Variants in SLC15A2 observed in about 807,000 individuals in gnomAD.
SLC15A2 encodes kidney H(+)/peptide cotransporter.
A neutral mutation model predicts 95.5 loss-of-function variants in SLC15A2; 77 were observed. The observed-to-expected ratio is 0.81, with a 90% CI of 0.67 to 0.97. The LOEUF is 0.97. SLC15A2 is among the 50% of genes least tolerant of loss of function. The pLI is 0.00. For synonymous variants in SLC15A2, 306 were observed against 306.9 expected (o/e 1.00, Z 0.03); for missense variants, 893 against 874.4 (o/e 1.02, Z -0.27).
chr3:121,940,653 G>A (rs1266949707), intron 21 of SLC15A2, among the ~76,000 whole-genome samples, 165 bp downstream of exon 21: 1 of 152,126 alleles, frequency 6.6e-6, no homozygotes, highest in African/African-American at 2.4e-5. Flanking sequence ...ATATGTAAGT[G>A]GCAATAATGA....
At chr3:121,924,703 G>C (rs1243776721) in intron 12 of SLC15A2, among the ~76,000 whole-genome samples, 1 of 152,164 alleles carries the variant, frequency 6.6e-6, no homozygotes, top group African/African-American at 2.4e-5. Flanking sequence ...TCACAATAAG[G>C]CTGGCAGAAA....
Position 121,935,769 on chromosome 3 carries a change from T to C in SLC15A2, c.1762-3580T>C, listed in dbSNP as rs1710331554. Among the ~76,000 whole-genome samples the C allele has an allele frequency of 2.0e-5, 3 of 152,272 alleles. No individual in the cohort carries two copies. In the South Asian group the frequency reaches 6.2e-4, roughly 32 times the overall value. Reference sequence around the variant, plus strand: ...TTTTTTGTGTCTCTATTTCCTTTAGTTCTGCTCTGATTTTAGTTATTTCTT... The same window carrying C: ...TTTTTTGTGTCTCTATTTCCTTTAGCTCTGCTCTGATTTTAGTTATTTCTT... On this transcript the variant is annotated intron_variant, in intron 19 of 21. Transcript: ENST00000489711.
In SLC15A2 at chr3:121,915,266, T is replaced by C; in HGVS notation, c.568T>C (p.Ser190Pro). 1 of 1,613,940 alleles carries C rather than the reference T, an allele frequency of 6.2e-7. No homozygotes were observed. Among genetic ancestry groups the C allele is most frequent in the Non-Finnish European group, 8.5e-7 (1 of 1,179,860 alleles). ...RTRYFSVFYLSINAGSLISTF... is the reference protein window; with the variant it reads ...RTRYFSVFYLPINAGSLISTF... ...TAGATACTTCTCAGTCTTCTACCTG[T>C]CCATCAATGCAGGGAGCTTGATTTC... Residue 190 changes from serine (S) to proline (P), a missense_variant, in exon 6 of 22, where the codon TCC becomes CCC. Transcript: ENST00000489711.
At position 121,925,047 on chromosome 3, in the gene SLC15A2, A is replaced by G. The variant is rs771781863; in HGVS notation, c.1124+14A>G. 33 of 1,513,926 alleles carry G rather than the reference A, an allele frequency of 2.2e-5. No homozygotes were observed. Among genetic ancestry groups the G allele is most frequent in the Non-Finnish European group, 2.9e-5 (32 of 1,088,586 alleles). The allele number at this position is 1,513,926 out of a possible 1,614,324, so 93.8% of individuals were successfully genotyped here. ...AATTAACTTCTCGTAAGTGTTCACTATGTCTGTATGGATTACTCTAAATTG... is the reference window on the plus strand; with the variant it reads ...AATTAACTTCTCGTAAGTGTTCACTGTGTCTGTATGGATTACTCTAAATTG... On this transcript the variant is annotated intron_variant, in intron 13 of 21. Transcript: ENST00000489711.
intron 5 of SLC15A2, 39 bp downstream of exon 5, chr3:121,913,159 G>A (rs772408606): frequency 2.0e-6 from 3 of 1,511,252 alleles, no homozygotes; most frequent in South Asian, 1.1e-5. Context: ...AGAATATAGA[G>A]CCAGCATTAA....
Position 121,928,331 on chromosome 3 carries a change from C to G in SLC15A2, c.1207-90C>G. Reference sequence around the variant, plus strand: ...AAACTATGTCTACTTGGCTAGTGGACTAGGCTGTCAGAAACAACTGAGATA... The same window carrying G: ...AAACTATGTCTACTTGGCTAGTGGAGTAGGCTGTCAGAAACAACTGAGATA... On this transcript the variant is annotated intron_variant, in intron 14 of 21. Transcript: ENST00000489711. 2.7e-6 allele frequency: 4 copies of G among 1,473,558 alleles called. No homozygotes were observed. The South Asian group carries it at 4.0e-5, about 15-fold the overall frequency. 91.3% of individuals were successfully genotyped at this position (1,473,558 alleles called of 1,614,324 possible).
intron 3 of SLC15A2, 35 bp from the exon 4 acceptor site, chr3:121,911,539 T>C (rs750907563): frequency 1.4e-6 from 2 of 1,405,748 alleles, no homozygotes; most frequent in Non-Finnish European, 2.0e-6. Flanking sequence ...CTCTCAGTTC[T>C]GGTTTTAGAC....
At chr3:121,901,793 A>G (rs1397737427) in intron 3 of SLC15A2, among the ~76,000 whole-genome samples, 2 of 150,988 alleles carry the variant, frequency 1.3e-5, no homozygotes, top group African/African-American at 4.9e-5. Context: ...TTTTGTTTCA[A>G]ACCGTTAAGT....
chr3:121,927,958 G>T (rs1710154465), intron 14 of SLC15A2, 119 bp downstream of exon 14: 2 of 713,828 alleles, frequency 2.8e-6, no homozygotes, highest in African/African-American at 3.6e-5. Flanking sequence ...TATAAGAGGT[G>T]CATCATAAGT....
intron 3 of SLC15A2, among the ~76,000 whole-genome samples, chr3:121,909,092 G>A (rs1012339206): frequency 1.3e-5 from 2 of 151,746 alleles, no homozygotes; most frequent in South Asian, 2.1e-4. Context: ...ATGGAGTCTT[G>A]CTCTGTCTCC....
rs373056094 is a variant in SLC15A2, at chr3:121,937,303, C to T, written c.1762-2046C>T. ...GTTCTCTGTATTTCCTGAATCTGAA[C>T]GTTGGCCTGCCTTGCTAGATTGGGG... On this transcript the variant is annotated intron_variant, in intron 19 of 21. Coordinates refer to ENST00000489711, the MANE Select transcript of SLC15A2 (RefSeq NM_021082.4). Among the ~76,000 whole-genome samples the T allele has an allele frequency of 1.4e-3, 115 of 83,426 alleles. 2 individuals are homozygous for T. In the East Asian group the frequency reaches 0.032, roughly 23 times the overall value. The allele number at this position is 83,426 out of a possible 152,430, so 54.7% of individuals were successfully genotyped here.
intron 3 of SLC15A2, among the ~76,000 whole-genome samples, chr3:121,904,426 A>G (rs951720128): frequency 1.1e-4 from 17 of 152,220 alleles, no homozygotes; most frequent in African/African-American, 3.4e-4. Flanking sequence ...CCTGTCTTGT[A>G]CCAGTTTTCA....
At chr3:121,920,115 C>A (rs1219254203) in intron 7 of SLC15A2, among the ~76,000 whole-genome samples, 1 of 152,138 alleles carries the variant, frequency 6.6e-6, no homozygotes, top group African/African-American at 2.4e-5. Flanking sequence ...AGTTAAGTGT[C>A]TTTGACATGT....
At chr3:121,940,295 G>A in intron 20 of SLC15A2, 89 bp from the exon 21 acceptor site, 1 of 890,688 alleles carries the variant, frequency 1.1e-6, no homozygotes, top group Non-Finnish European at 1.8e-6. Flanking sequence ...TTCTAACTTG[G>A]AAGCTTTTGT....
chr3:121,919,230 T>G (rs1192969403), intron 7 of SLC15A2, among the ~76,000 whole-genome samples: 2 of 152,160 alleles, frequency 1.3e-5, no homozygotes, highest in Non-Finnish European at 2.9e-5. Flanking sequence ...TTACGGCTCT[T>G]TTATTCCCGC....
At chr3:121,895,010 G>A (rs1416315328) in intron 1 of SLC15A2, among the ~76,000 whole-genome samples, 3 of 152,186 alleles carry the variant, frequency 2.0e-5, no homozygotes, top group Non-Finnish European at 2.9e-5. Context: ...TCCAATTTCT[G>A]TTACTATGTG....
intron 19 of SLC15A2, among the ~76,000 whole-genome samples, chr3:121,936,157 C>T (rs1329462741): frequency 6.6e-6 from 1 of 152,136 alleles, no homozygotes; most frequent in Non-Finnish European, 1.5e-5. Flanking sequence ...TATTCTTTTA[C>T]ATTTGCCGAG....
At chr3:121,915,838 T>G in intron 7 of SLC15A2, 145 bp downstream of exon 7, 1 of 561,528 alleles carries the variant, frequency 1.8e-6, no homozygotes, top group Non-Finnish European at 3.1e-6. Flanking sequence ...TTCCCCTCAA[T>G]TTTGGAGGTA....
intron 19 of SLC15A2, among the ~76,000 whole-genome samples, chr3:121,938,172 G>C (rs1710387141): frequency 6.6e-6 from 1 of 151,782 alleles, no homozygotes. Context: ...CTTCAAAGCT[G>C]TCAGACAGGG....
Sources: allele counts gnomAD v4.1 joint callset (sites outside exome capture counted in the v4.1 genomes callset), GRCh38; gene constraint gnomAD v4.1.1; transcripts MANE v1.5; gene names NCBI Gene and HGNC (gene_info 2026-07-23, HGNC 2026-07-21).